Variants in CNTNAP2 observed in about 807,000 individuals in gnomAD.
CNTNAP2 encodes the protein contactin-associated protein-like 2.
A neutral mutation model predicts 155.2 loss-of-function variants in CNTNAP2; 98 were observed. That is an observed-to-expected ratio of 0.63 (90% CI 0.54 to 0.75). CNTNAP2 has a LOEUF of 0.75. Ranked by LOEUF, CNTNAP2 falls within the 30% of genes least tolerant of loss-of-function variation. CNTNAP2 has a pLI of 0.00. For synonymous variants in CNTNAP2, 651 were observed against 631.2 expected, an observed-to-expected ratio of 1.03 and a Z score of -0.47; for missense variants, 1,727 against 1,688.1, an observed-to-expected ratio of 1.02 and a Z score of -0.40.
chr7:147,988,346 T>C (rs1801654325), intron 15 of CNTNAP2, among the ~76,000 whole-genome samples: 1 of 152,156 alleles, frequency 6.6e-6, no homozygotes, highest in Non-Finnish European at 1.5e-5. Flanking sequence ...GCTATGTTAA[T>C]AGAGATTCTT....
chr7:147,546,198 G>C (rs1478924059), intron 11 of CNTNAP2, among the ~76,000 whole-genome samples: 1 of 152,140 alleles, frequency 6.6e-6, no homozygotes, highest in Non-Finnish European at 1.5e-5. Flanking sequence ...GGAGGGCCCT[G>C]ACAAGAGCAC....
intron 21 of CNTNAP2, among the ~76,000 whole-genome samples, chr7:148,382,563 T>C (rs1403845351): frequency 1.3e-5 from 2 of 152,140 alleles, no homozygotes; most frequent in Admixed American, 6.5e-5. Context: ...CAGAACGGCT[T>C]CAGCAAAGGG....
intron 16 of CNTNAP2, among the ~76,000 whole-genome samples, chr7:148,128,582 A>G (rs911401926): frequency 6.6e-6 from 1 of 152,212 alleles, no homozygotes. Flanking sequence ...ATTTAGATTA[A>G]ATTTATCCAG....
intron 15 of CNTNAP2, among the ~76,000 whole-genome samples, chr7:148,061,403 T>C (rs1314720617): frequency 6.6e-6 from 1 of 152,050 alleles, no homozygotes; most frequent in Non-Finnish European, 1.5e-5. Flanking sequence ...ACCCATGCTG[T>C]AGTGCAGTGG....
At chr7:147,538,177 C>G (rs1014185621) in intron 11 of CNTNAP2, among the ~76,000 whole-genome samples, 1 of 152,136 alleles carries the variant, frequency 6.6e-6, no homozygotes, top group African/African-American at 2.4e-5. Flanking sequence ...AAATCTAAGT[C>G]AAGGTGGCCA....
chr7:146,488,362 A>C (rs1459104251), intron 1 of CNTNAP2, among the ~76,000 whole-genome samples: 1 of 149,748 alleles, frequency 6.7e-6, no homozygotes, highest in Non-Finnish European at 1.5e-5. Flanking sequence ...ATTATTCAAG[A>C]GTTATAAGTA....
intron 1 of CNTNAP2, among the ~76,000 whole-genome samples, chr7:146,231,382 C>T (rs577536907): frequency 3.4e-4 from 52 of 152,232 alleles, no homozygotes; most frequent in East Asian, 1.9e-3. Flanking sequence ...TCTACTTCTG[C>T]ATCAATCAGT....
chr7:147,627,691 CAA>C (rs138424007), intron 12 of CNTNAP2, among the ~76,000 whole-genome samples: 985 of 71,636 alleles, frequency 0.014, 44 homozygotes, highest in Admixed American at 0.12. Flanking sequence ...GACTCTGTCT[CAA>C]AAAAAAAAAA....
intron 1 of CNTNAP2, chr7:146,311,759 A>G (rs1291657615): frequency 1.3e-5 from 2 of 151,726 alleles, no homozygotes; most frequent in Non-Finnish European, 2.9e-5. Context: ...CTAATTCATC[A>G]CAACCAGTTA....
At chr7:147,074,456 A>G (rs542079573) in intron 4 of CNTNAP2, among the ~76,000 whole-genome samples, 26 of 151,962 alleles carry the variant, frequency 1.7e-4, no homozygotes, top group Non-Finnish European at 2.8e-4. Context: ...CACCATTTCT[A>G]TGGTTGACCA....
chr7:146,887,972 C>A (rs1795701108), intron 3 of CNTNAP2, among the ~76,000 whole-genome samples: 1 of 151,990 alleles, frequency 6.6e-6, no homozygotes, highest in African/African-American at 2.4e-5. Flanking sequence ...TTTATGTTAT[C>A]TTTGATAACC....
chr7:148,330,842 AATGG>A lies in CNTNAP2; in HGVS notation c.3476-52797_3476-52794del, dbSNP rs1797983848. Among the ~76,000 whole-genome samples, 3 of 143,766 alleles carry A rather than the reference AATGG, an allele frequency of 2.1e-5. No individual in the cohort carries two copies. In the South Asian group the frequency reaches 6.8e-4, roughly 33 times the overall value. The allele number at this position is 143,766 out of a possible 152,430, so 94.3% of individuals were successfully genotyped here. A position where few individuals can be genotyped will look rare whatever the true frequency, so the allele number is the denominator to read the frequency against. ...GTGGACAGATGGAATGGACGGATAG[AATGG>A]ATGGATGGAATGGATGGACGGATGG... is the stretch of plus-strand genomic sequence containing the variant. On this transcript the variant is annotated intron_variant, in intron 21 of 23. Transcript: ENST00000361727.
intron 3 of CNTNAP2, among the ~76,000 whole-genome samples, chr7:146,944,739 G>A (rs1473936787): frequency 2.0e-5 from 3 of 151,998 alleles, no homozygotes; most frequent in Non-Finnish European, 2.9e-5. Flanking sequence ...ATTGCTGGAC[G>A]TGGTGGAGGG....
At chr7:148,134,461 T>C (rs138188499) in intron 16 of CNTNAP2, among the ~76,000 whole-genome samples, 1 of 152,344 alleles carries the variant, frequency 6.6e-6, no homozygotes, top group East Asian at 1.9e-4. Context: ...CCCTTGTTTT[T>C]AGCCATTTTT....
intron 1 of CNTNAP2, among the ~76,000 whole-genome samples, chr7:146,512,619 A>G: frequency 6.6e-6 from 1 of 150,974 alleles, no homozygotes; most frequent in South Asian, 2.1e-4. Context: ...TTATTGATTT[A>G]TGATTTTTTC....
chr7:147,521,446 C>T (rs1405656589), intron 11 of CNTNAP2, among the ~76,000 whole-genome samples: 1 of 152,196 alleles, frequency 6.6e-6, no homozygotes, highest in Non-Finnish European at 1.5e-5. Context: ...GATCTACCTA[C>T]AGTCTAGGCA....
chr7:147,312,855 T>C (rs1309802875), intron 9 of CNTNAP2, among the ~76,000 whole-genome samples: 3 of 128,270 alleles, frequency 2.3e-5, no homozygotes, highest in Non-Finnish European at 4.7e-5. Flanking sequence ...CCACAATGGT[T>C]GAACTAGTTT....
chr7:146,294,100 C>T (rs1404224815), intron 1 of CNTNAP2, among the ~76,000 whole-genome samples: 1 of 152,166 alleles, frequency 6.6e-6, no homozygotes, highest in African/African-American at 2.4e-5. Flanking sequence ...GCTTTCCCTT[C>T]TGGCTAGTGA....
chr7:147,538,693 C>T (rs894220208), intron 11 of CNTNAP2, among the ~76,000 whole-genome samples: 1 of 152,050 alleles, frequency 6.6e-6, no homozygotes, highest in Non-Finnish European at 1.5e-5. Flanking sequence ...ATAGAGCCAC[C>T]TGTAGTTTGG....
Sources: allele counts gnomAD v4.1 joint callset (sites outside exome capture counted in the v4.1 genomes callset), GRCh38; gene constraint gnomAD v4.1.1; transcripts MANE v1.5; gene names NCBI Gene and HGNC (gene_info 2026-07-23, HGNC 2026-07-21).